The following TRPM6 variants were observed in gnomAD, a reference collection of about 807,000 sequenced individuals.
The protein encoded by TRPM6 is channel kinase 2.
In TRPM6, 111 loss-of-function variants were observed where a neutral mutation model predicts 247.6. That is an observed-to-expected ratio of 0.45 (90% CI 0.38 to 0.52). The LOEUF is 0.52. TRPM6 is among the 20% of genes least tolerant of loss of function. The probability of loss-of-function intolerance (pLI) is 0.00; values close to 1 mark genes in which losing one functional copy is unlikely to be tolerated. For missense variants in TRPM6, 2,126 were observed against 2,421.5 expected (o/e 0.88, Z 2.56); for synonymous variants, 892 against 853.8 (o/e 1.04, Z -0.78).
At position 74,724,229 on chromosome 9, in the gene TRPM6, G is replaced by T. The variant is rs1490107517; in HGVS notation, c.*384C>A. ...GGTGAGGTGACAAATAGTAGTAGGG[G>T]GTCCAGTCTGCATACATAGTGAGAA... On this transcript the variant is annotated 3_prime_UTR_variant, in exon 39 of 39. Coordinates refer to ENST00000360774, the MANE Select transcript of TRPM6 (RefSeq NM_017662.5). The T allele has an allele frequency of 3.6e-6, 1 of 274,578 alleles. No homozygotes were observed. Among genetic ancestry groups the T allele is most frequent in the Non-Finnish European group, 7.1e-6 (1 of 141,572 alleles). The allele number at this position is 274,578 out of a possible 1,614,324, so 17.0% of individuals were successfully genotyped here.
In TRPM6 at chr9:74,772,014, C is replaced by T. The variant is rs139319930; in HGVS notation, c.3404-179G>A. Among the ~76,000 whole-genome samples the T allele has an allele frequency of 4.3e-3, 656 of 152,312 alleles. 4 individuals carry two copies. Among genetic ancestry groups the T allele is most frequent in the African/African-American group, 0.015 (628 of 41,566 alleles). On this transcript the variant is annotated intron_variant, in intron 24 of 38. Transcript: ENST00000360774. ...CACCAATAAACAACTGGGAGCTGGGCGCAGTGGTTCACGCTTGTAATCCCA... is the reference window on the plus strand; with the variant it reads ...CACCAATAAACAACTGGGAGCTGGGTGCAGTGGTTCACGCTTGTAATCCCA...
At chr9:74,778,977 A>T (rs1374549084) in intron 23 of TRPM6, among the ~76,000 whole-genome samples, 3 of 152,096 alleles carry the variant, frequency 2.0e-5, no homozygotes, top group Non-Finnish European at 4.4e-5. Flanking sequence ...AACAGCCCCC[A>T]CTTACCTTCC....
intron 23 of TRPM6, among the ~76,000 whole-genome samples, chr9:74,779,984 C>T (rs1056191240): frequency 1.3e-5 from 2 of 151,200 alleles, no homozygotes; most frequent in South Asian, 2.1e-4. Flanking sequence ...CCAGCCTGGC[C>T]AATATGGTGA....
intron 30 of TRPM6, among the ~76,000 whole-genome samples, chr9:74,749,722 G>A (rs917715824): frequency 1.3e-5 from 2 of 152,116 alleles, no homozygotes; most frequent in African/African-American, 2.4e-5. Context: ...GTACAATTAC[G>A]ATTATTGTTC....
At position 74,782,823 on chromosome 9, in the gene TRPM6, T is replaced by C. The variant is rs369327915; in HGVS notation, c.2950A>G (p.Met984Val). Residue 984 changes from methionine to valine, a missense_variant, in exon 22 of 39, where the codon ATG becomes GTG. This residue lies in a region of TRPM6 where 1,082 missense variants were observed against 1,307.9 expected (regional missense o/e 0.83). Transcript: ENST00000360774. Reference protein sequence around the residue: ...TANMFYIVIIMAIVLLSFGVA... With the variant: ...TANMFYIVIIVAIVLLSFGVA... ...CCAAAGCTCAGCAGGACTATGGCCA[T>C]GATGATCACAATATAGAACATGTTT... is the stretch of plus-strand genomic sequence containing the variant. 4 of 1,614,036 alleles carry C rather than the reference T, an allele frequency of 2.5e-6. No individual in the cohort carries two copies. Among genetic ancestry groups the C allele is most frequent in the Non-Finnish European group, 3.4e-6 (4 of 1,180,030 alleles).
At chr9:74,821,986 G>A in intron 7 of TRPM6, 149 bp from the exon 8 acceptor site, 1 of 917,194 alleles carries the variant, frequency 1.1e-6, no homozygotes, top group Middle Eastern at 3.2e-4. Flanking sequence ...GGTTTGCTTA[G>A]ATCAAGACCA....
chr9:74,774,304 T>C (rs962503002), intron 24 of TRPM6, among the ~76,000 whole-genome samples: 3 of 152,200 alleles, frequency 2.0e-5, no homozygotes, highest in Non-Finnish European at 4.4e-5. Flanking sequence ...TTCCAGGATT[T>C]ATCAAGTGAT....
intron 18 of TRPM6, among the ~76,000 whole-genome samples, chr9:74,793,527 T>C (rs553504856): frequency 6.6e-6 from 1 of 152,300 alleles, no homozygotes; most frequent in South Asian, 2.1e-4. Context: ...AATTTTTGTA[T>C]GTTTTTAAAT....
intron 1 of TRPM6, among the ~76,000 whole-genome samples, chr9:74,862,032 T>C (rs1830703085): frequency 1.4e-5 from 2 of 144,296 alleles, no homozygotes. Context: ...AGGAAGCCCG[T>C]GTCATAACAA....
chr9:74,802,319 G>A, intron 15 of TRPM6, 144 bp from the exon 16 acceptor site: 2 of 791,088 alleles, frequency 2.5e-6, no homozygotes, highest in East Asian at 2.7e-5. Context: ...TTACAAGCCA[G>A]CAAGCAAAAT....
At chr9:74,727,087 TCAC>T (rs1825355230) in intron 38 of TRPM6, among the ~76,000 whole-genome samples, 1 of 152,114 alleles carries the variant, frequency 6.6e-6, no homozygotes, top group Non-Finnish European at 1.5e-5. Context: ...TTCTATGCCT[TCAC>T]CACAAGAGCT....
At chr9:74,788,776 T>A in intron 19 of TRPM6, 34 bp from the exon 20 acceptor site, 2 of 1,611,350 alleles carry the variant, frequency 1.2e-6, no homozygotes, top group Non-Finnish European at 1.7e-6. Context: ...CAGATGTGAG[T>A]GAGAGCAAGC....
At chr9:74,756,731 C>T (rs182626594) in intron 27 of TRPM6, among the ~76,000 whole-genome samples, 2 of 150,038 alleles carry the variant, frequency 1.3e-5, no homozygotes, top group Non-Finnish European at 3.0e-5. Flanking sequence ...CACCTGTGGT[C>T]CCAGGTACTC....
In TRPM6 at chr9:74,761,716, T is replaced by G; in HGVS notation, c.4765A>C (p.Thr1589Pro). ...CTTACTGGCACCTGGAGTCCTTGAG[T>G]ATTCTTCTTTTTCTTTGACAGTCTC... is the stretch of plus-strand genomic sequence containing the variant. ...DRRLSKKKKN[T>P]QGLQVPIITV... is the part of the protein sequence containing the mutation. Residue 1589 changes from threonine to proline, a missense_variant, in exon 27 of 39, where the codon ACT (threonine) becomes CCT (proline). Thr to Pro is a conservative substitution (Grantham distance 38, BLOSUM62 -1). Transcript: ENST00000360774. The G allele has an allele frequency of 6.2e-7, 1 of 1,611,394 alleles. No homozygotes were observed. The highest frequency in any genetic ancestry group is 8.5e-7 in the Non-Finnish European group (1 of 1,177,626).
chr9:74,806,279 GTATTTATT>G lies in TRPM6; in HGVS notation c.1638+1747_1638+1754del, dbSNP rs60032253. ...ACCATAGGCTTTTTAAAAATTTATT[GTATTTATT>G]TATTTATTTATTTATTTATTTAGAG... is the stretch of plus-strand genomic sequence containing the variant. On this transcript the variant is annotated intron_variant, in intron 14 of 38. Transcript: ENST00000360774. 4.9e-3 allele frequency among the ~76,000 whole-genome samples: 732 copies of G among 150,770 alleles called. 4 individuals are homozygous for G. The highest frequency in any genetic ancestry group is 8.0e-3 in the Non-Finnish European group (539 of 67,796).
chr9:74,827,248 C>T (rs1244938765), intron 7 of TRPM6: 1 of 152,738 alleles, frequency 6.5e-6, no homozygotes, highest in African/African-American at 2.4e-5. Context: ...ACCCAAATGA[C>T]TCTTTGAGGA....
chr9:74,802,178 G>T lies in TRPM6; in HGVS notation c.1732-3C>A, dbSNP rs1002101178. 3.7e-6 allele frequency: 6 copies of T among 1,612,936 alleles called. No individual in the cohort carries two copies. Among genetic ancestry groups the T allele is most frequent in the Non-Finnish European group, 5.1e-6 (6 of 1,179,100 alleles). On this transcript the variant is annotated splice_region_variant and splice_polypyrimidine_tract_variant and intron_variant, in intron 15 of 38. Coordinates refer to ENST00000360774, the MANE Select transcript of TRPM6 (RefSeq NM_017662.5). ...TTATGAAGGACTATAGACTTTTCCT[G>T]TTGGAAAATAAAATAGGAATGAGTT...
chr9:74,804,092 C>T (rs561620986), intron 14 of TRPM6, among the ~76,000 whole-genome samples: 1 of 152,252 alleles, frequency 6.6e-6, no homozygotes, highest in African/African-American at 2.4e-5. Flanking sequence ...CTCTAATGAT[C>T]TCATTGTGCA....
chr9:74,762,507 A>G lies in TRPM6; in HGVS notation c.4164T>C (p.Thr1388=), dbSNP rs975861165. The part of the protein sequence containing the change: ...DIQTEVLVHL[T]GQTPVVSDWA... ...AGTCAGAGACAACTGGGGTCTGCCCAGTCAGATGAACAAGAACCTCAGTCT... is the reference window on the plus strand; with the variant it reads ...AGTCAGAGACAACTGGGGTCTGCCCGGTCAGATGAACAAGAACCTCAGTCT... The change falls in exon 26 of 39, where the codon ACT becomes ACC. Residue 1388 remains threonine (T), a synonymous_variant. Transcript: ENST00000360774. The G allele has an allele frequency of 6.2e-7, 1 of 1,614,188 alleles. No individual in the cohort carries two copies. Among genetic ancestry groups the G allele is most frequent in the South Asian group, 1.1e-5 (1 of 91,082 alleles).
Sources: allele counts gnomAD v4.1 joint callset (sites outside exome capture counted in the v4.1 genomes callset), GRCh38; gene constraint gnomAD v4.1.1; regional missense constraint gnomAD v4.1.1; transcripts MANE v1.5; gene names NCBI Gene and HGNC (gene_info 2026-07-23, HGNC 2026-07-21).